ADAMTSL1: variants seen among roughly 807,000 people sequenced by gnomAD.
ADAMTSL1 encodes the protein ADAMTS-like protein 1.
In ADAMTSL1, 126 loss-of-function variants were observed where a neutral mutation model predicts 201.8. The observed-to-expected ratio is 0.62, with a 90% CI of 0.54 to 0.72. The LOEUF is 0.72. Among genes scored for constraint, ADAMTSL1 ranks in the 30% least tolerant of loss-of-function variants. The pLI is 0.00. For missense variants in ADAMTSL1, 2,679 were observed against 2,277.8 expected (o/e 1.18, Z -3.59); for synonymous variants, 1,121 against 903.4 (o/e 1.24, Z -4.32).
chr9:18,768,603 TA>T (rs1820500168), intron 16 of ADAMTSL1, among the ~76,000 whole-genome samples: 1 of 152,142 alleles, frequency 6.6e-6, no homozygotes. Flanking sequence ...GGGACTCAAT[TA>T]TTTTTTTAAA....
At chr9:18,128,510 C>T (rs1825827784) in intron 1 of ADAMTSL1, among the ~76,000 whole-genome samples, 1 of 152,098 alleles carries the variant, frequency 6.6e-6, no homozygotes, top group Admixed American at 6.6e-5. Flanking sequence ...CTACAGGAAC[C>T]ATTTTGCCCA....
intron 1 of ADAMTSL1, among the ~76,000 whole-genome samples, chr9:17,928,676 G>A (rs1826653686): frequency 6.6e-6 from 1 of 152,152 alleles, no homozygotes; most frequent in African/African-American, 2.4e-5. Context: ...TTGGGAGGCT[G>A]AGGAGGGAGG....
chr9:17,934,443 T>C (rs369361801), intron 1 of ADAMTSL1, among the ~76,000 whole-genome samples: 58 of 152,142 alleles, frequency 3.8e-4, no homozygotes, highest in Non-Finnish European at 7.8e-4. Context: ...AACTTCCTGC[T>C]CTCTCTTTGG....
chr9:17,920,714 C>T (rs1826267992), intron 1 of ADAMTSL1, among the ~76,000 whole-genome samples: 2 of 152,158 alleles, frequency 1.3e-5, no homozygotes, highest in Admixed American at 6.5e-5. Context: ...AAGCAAAGGT[C>T]GGCAAACTTT....
chr9:18,614,393 A>G (rs1182438968), intron 4 of ADAMTSL1, among the ~76,000 whole-genome samples: 6 of 152,150 alleles, frequency 3.9e-5, no homozygotes, highest in Non-Finnish European at 8.8e-5. Context: ...TCTGGTGACA[A>G]CAAATCCTAG....
At chr9:18,062,866 TA>T (rs1822523037) in intron 1 of ADAMTSL1, among the ~76,000 whole-genome samples, 1 of 152,226 alleles carries the variant, frequency 6.6e-6, no homozygotes, top group Non-Finnish European at 1.5e-5. Flanking sequence ...AGATACTTGC[TA>T]ACATGACCTC....
chr9:18,767,122 G>A (rs1820412437), intron 16 of ADAMTSL1, among the ~76,000 whole-genome samples: 1 of 152,144 alleles, frequency 6.6e-6, no homozygotes, highest in South Asian at 2.1e-4. Flanking sequence ...GGTTTGGGAT[G>A]AGGTTGGAAG....
intron 1 of ADAMTSL1, among the ~76,000 whole-genome samples, chr9:18,013,474 C>G (rs10810884): frequency 0.053 from 8,034 of 151,980 alleles, 410 homozygotes; most frequent in East Asian, 0.3. Context: ...AATTGCAGAG[C>G]AACAAAGTTT....
At chr9:18,701,962 A>G (rs1463584796) in intron 13 of ADAMTSL1, among the ~76,000 whole-genome samples, 1 of 152,198 alleles carries the variant, frequency 6.6e-6, no homozygotes, top group African/African-American at 2.4e-5. Flanking sequence ...CAAAAGAAAG[A>G]GGTTTAATTG....
chr9:18,131,772 G>C (rs750997603), intron 1 of ADAMTSL1, among the ~76,000 whole-genome samples: 3 of 152,040 alleles, frequency 2.0e-5, no homozygotes, highest in Non-Finnish European at 2.9e-5. Flanking sequence ...TGAAATAGAA[G>C]GGCCAATGGG....
chr9:18,333,166 A>G (rs1357371693), intron 2 of ADAMTSL1, among the ~76,000 whole-genome samples: 1 of 152,122 alleles, frequency 6.6e-6, no homozygotes, highest in Non-Finnish European at 1.5e-5. Flanking sequence ...TTATGTTGCC[A>G]TGTATTTATA....
chr9:18,440,736 C>A (rs1472127352), intron 2 of ADAMTSL1, among the ~76,000 whole-genome samples: 1 of 151,758 alleles, frequency 6.6e-6, no homozygotes, highest in Non-Finnish European at 1.5e-5. Flanking sequence ...GGGCCATTTA[C>A]TTTTTCCAGT....
chr9:18,728,651 G>T (rs892918136), intron 15 of ADAMTSL1, among the ~76,000 whole-genome samples: 8 of 152,182 alleles, frequency 5.3e-5, no homozygotes, highest in African/African-American at 1.9e-4. Flanking sequence ...CTGAGAGAAG[G>T]CTTCCTGGAG....
intron 1 of ADAMTSL1, among the ~76,000 whole-genome samples, chr9:17,964,583 G>A (rs12341715): frequency 6.6e-6 from 1 of 151,936 alleles, no homozygotes; most frequent in Non-Finnish European, 1.5e-5. Context: ...TATACACATA[G>A]GTACACACAA....
chr9:18,224,696 C>T (rs12236723), intron 2 of ADAMTSL1, among the ~76,000 whole-genome samples: 33,983 of 152,062 alleles, frequency 0.22, 3,952 homozygotes, highest in Non-Finnish European at 0.26. Context: ...GTAGCCATTC[C>T]TCTAATTACC....
chr9:18,682,237 T>C (rs1165406431), intron 12 of ADAMTSL1, among the ~76,000 whole-genome samples: 1 of 152,210 alleles, frequency 6.6e-6, no homozygotes, highest in Non-Finnish European at 1.5e-5. Context: ...CGGATGTACC[T>C]GCTTAAAGGG....
intron 26 of ADAMTSL1, among the ~76,000 whole-genome samples, chr9:18,904,671 AAG>A (rs1830196142): frequency 8.6e-6 from 1 of 116,258 alleles, no homozygotes; most frequent in African/African-American, 3.5e-5. Flanking sequence ...AAAAAAAAAA[AAG>A]GTCCGTTTAT....
chr9:18,850,666 A>T (rs1001171242), intron 23 of ADAMTSL1, among the ~76,000 whole-genome samples: 16 of 152,228 alleles, frequency 1.1e-4, no homozygotes, highest in Admixed American at 3.9e-4. Flanking sequence ...AAGTAGAGGG[A>T]TCGGGTAAGT....
chr9:18,372,210 A>G (rs965439493), intron 2 of ADAMTSL1, among the ~76,000 whole-genome samples: 1 of 152,186 alleles, frequency 6.6e-6, no homozygotes, highest in African/African-American at 2.4e-5. Context: ...GTAACCTAGA[A>G]ACTGACTTAG....
Sources: gnomAD v4.1 joint callset for allele counts (sites outside exome capture counted in the v4.1 genomes callset) on GRCh38, gnomAD v4.1.1 for gene constraint, MANE v1.5 for transcripts, NCBI Gene and HGNC (gene_info 2026-07-23, HGNC 2026-07-21) for gene names.